The following ZNF709 variants were observed in gnomAD, a reference collection of about 807,000 sequenced individuals.
ZNF709 encodes the protein zinc finger protein 709.
In ZNF709, 15 loss-of-function variants were observed where a neutral mutation model predicts 10.6. The observed-to-expected ratio is 1.41, with a 90% CI of 0.95 to 2.18. The LOEUF is 2.18. Among genes scored for constraint, ZNF709 ranks in the 30% most tolerant of loss-of-function variants. The pLI is 0.00. For missense variants in ZNF709, 589 were observed against 774.0 expected (o/e 0.76, Z 2.84); for synonymous variants, 194 against 238.8 (o/e 0.81, Z 1.73).
At chr19:12,482,756 T>C (rs1970739474) in intron 1 of ZNF709, among the ~76,000 whole-genome samples, 1 of 152,158 alleles carries the variant, frequency 6.6e-6, no homozygotes, top group South Asian at 2.1e-4. Flanking sequence ...CTTCTCTCAG[T>C]ACAAAGGGCT....
At position 12,481,244 on chromosome 19, in the gene ZNF709, G is replaced by C. The variant is rs370110190; in HGVS notation, c.3+3411C>G. On this transcript the variant is annotated intron_variant, in intron 1 of 3. Coordinates refer to ENST00000397732, the MANE Select transcript of ZNF709 (RefSeq NM_152601.4). ...TGGTTCCAGAGTTTTCTTTTTTTTT[G>C]TTTTGAGATGGAGTCCTGCTCTGTT... 6.0e-5 allele frequency: 55 copies of C among 921,260 alleles called. No individual in the cohort carries two copies. The African/African-American group carries it at 9.2e-4, about 15-fold the overall frequency. The allele number at this position is 921,260 out of a possible 1,614,324, so 57.1% of individuals were successfully genotyped here.
intron 1 of ZNF709, among the ~76,000 whole-genome samples, chr19:12,471,977 G>C (rs1970637683): frequency 6.6e-6 from 1 of 151,522 alleles, no homozygotes; most frequent in Non-Finnish European, 1.5e-5. Context: ...TCACAAAGCA[G>C]GAAAAAAATA....
chr19:12,467,982 G>GT (rs1179689684), intron 1 of ZNF709, among the ~76,000 whole-genome samples: 1 of 151,630 alleles, frequency 6.6e-6, no homozygotes, highest in African/African-American at 2.4e-5. Context: ...GGGAGGTGGG[G>GT]GTCAGCCCCC....
At chr19:12,471,408 G>A in intron 1 of ZNF709, among the ~76,000 whole-genome samples, 1 of 152,094 alleles carries the variant, frequency 6.6e-6, no homozygotes, top group Non-Finnish European at 1.5e-5. Context: ...CCCTAAAATA[G>A]ACTTATAAAA....
intron 1 of ZNF709, among the ~76,000 whole-genome samples, chr19:12,482,940 A>ATT (rs1970741013): frequency 6.6e-6 from 1 of 152,050 alleles, no homozygotes; most frequent in African/African-American, 2.4e-5. Flanking sequence ...CACTACTGAT[A>ATT]TTTACATGAG....
At chr19:12,468,688 A>G (rs1372364044) in intron 1 of ZNF709, among the ~76,000 whole-genome samples, 1 of 148,806 alleles carries the variant, frequency 6.7e-6, no homozygotes, top group Admixed American at 6.7e-5. Context: ...AAGAATGATC[A>G]ATAAAAAAAA....
intron 1 of ZNF709, among the ~76,000 whole-genome samples, chr19:12,475,324 T>A: frequency 7.6e-6 from 1 of 132,064 alleles, no homozygotes; most frequent in Non-Finnish European, 1.6e-5. Context: ...TATGAGCAAA[T>A]TAAACCCAAA....
In ZNF709 at chr19:12,462,364, T is replaced by G. The variant is rs1384466042; in HGVS notation, c.*1632A>C. On this transcript the variant is annotated 3_prime_UTR_variant, in exon 4 of 4. Transcript: ENST00000397732. ...TACCGTGGAGCCATAAAAGGTTAGA[T>G]TATAGAAAACATAGGTCACAACATA... 6.6e-6 allele frequency: 1 copy of G among 152,186 alleles called. No homozygotes were observed. The highest frequency in any genetic ancestry group is 1.5e-5 in the Non-Finnish European group (1 of 68,034). 9.4% of individuals were successfully genotyped at this position (152,186 alleles called of 1,614,324 possible).
intron 1 of ZNF709, among the ~76,000 whole-genome samples, chr19:12,472,521 CAAAAAAAAAA>C (rs34678727): frequency 1.2e-5 from 1 of 84,694 alleles, no homozygotes; most frequent in African/African-American, 5.1e-5. Flanking sequence ...GACTCCATCT[CAAAAAAAAAA>C]AAAAAAAAGG....
intron 1 of ZNF709, among the ~76,000 whole-genome samples, chr19:12,477,588 G>A (rs1381526624): frequency 6.6e-6 from 1 of 152,132 alleles, no homozygotes; most frequent in Non-Finnish European, 1.5e-5. Context: ...AAATTTTAGT[G>A]GGTCTCCCAG....
chr19:12,463,664 A>G lies in ZNF709; in HGVS notation c.*332T>C. The G allele has an allele frequency of 5.2e-6, 1 of 191,154 alleles. No individual in the cohort carries two copies. The highest frequency in any genetic ancestry group is 1.1e-5 in the Non-Finnish European group (1 of 94,260). The allele number at this position is 191,154 out of a possible 1,614,324, so 11.8% of individuals were successfully genotyped here. ...AAATGGGGGCCGGGTGTGGTGGCTC[A>G]CACCTGTAATCCAACACTTTGGGAG... On this transcript the variant is annotated 3_prime_UTR_variant, in exon 4 of 4. Coordinates refer to ENST00000397732, the MANE Select transcript of ZNF709 (RefSeq NM_152601.4).
In ZNF709 at chr19:12,478,252, A is replaced by G. The variant is rs545762316; in HGVS notation, c.3+6403T>C. Among the ~76,000 whole-genome samples the G allele has an allele frequency of 2.6e-5, 4 of 152,094 alleles. No homozygotes were observed. The South Asian group carries it at 8.3e-4, about 32-fold the overall frequency. Reference sequence around the variant, plus strand: ...CCAGGTCAGCAGCAGTCACAGCTTCACTCTAAAACACACAGATAAGTCCAG... The same window carrying G: ...CCAGGTCAGCAGCAGTCACAGCTTCGCTCTAAAACACACAGATAAGTCCAG... On this transcript the variant is annotated intron_variant, in intron 1 of 3. Coordinates refer to ENST00000397732, the MANE Select transcript of ZNF709 (RefSeq NM_152601.4).
At position 12,484,714 on chromosome 19, in the gene ZNF709, G is replaced by C; in HGVS notation, c.-57C>G. On this transcript the variant is annotated 5_prime_UTR_variant, in exon 1 of 4. Coordinates refer to ENST00000397732, the MANE Select transcript of ZNF709 (RefSeq NM_152601.4). The stretch of plus-strand genomic sequence containing the variant: ...TTTACCTCTCCCGCGGCCAGCACAG[G>C]TCCTACCTCCACCTGAGGCCCTTCC... 6.2e-7 allele frequency: 1 copy of C among 1,613,382 alleles called. No individual in the cohort carries two copies. The highest frequency in any genetic ancestry group is 1.1e-5 in the South Asian group (1 of 91,034).
chr19:12,480,556 G>A (rs1010043471), intron 1 of ZNF709, among the ~76,000 whole-genome samples: 5 of 151,936 alleles, frequency 3.3e-5, no homozygotes, highest in African/African-American at 9.7e-5. Context: ...GGTGGCGAGC[G>A]CCTGTAGTCC....
intron 1 of ZNF709, among the ~76,000 whole-genome samples, chr19:12,467,185 A>C (rs1441540299): frequency 1.3e-5 from 2 of 152,180 alleles, no homozygotes; most frequent in African/African-American, 4.8e-5. Flanking sequence ...CCTCTGATGC[A>C]GAGCCGAAGC....
intron 3 of ZNF709, among the ~76,000 whole-genome samples, chr19:12,466,094 C>T (rs904705778): frequency 1.3e-5 from 2 of 152,116 alleles, no homozygotes; most frequent in African/African-American, 2.4e-5. Flanking sequence ...GTACCCACCA[C>T]CACACCTGGC....
intron 1 of ZNF709, among the ~76,000 whole-genome samples, chr19:12,472,293 G>A (rs1362491300): frequency 2.0e-5 from 3 of 152,040 alleles, no homozygotes; most frequent in Admixed American, 6.6e-5. Flanking sequence ...AGGCCAAGGC[G>A]GGTGGATCAC....
At position 12,461,581 on chromosome 19, in the gene ZNF709, T is replaced by G. The variant is rs1970516225; in HGVS notation, c.*2415A>C. On this transcript the variant is annotated 3_prime_UTR_variant, in exon 4 of 4. Transcript: ENST00000397732. ...GGTACTGTTAACAAAACATGGTGTT[T>G]ATTACATAAATAATACCTTGGATAA... 6.6e-6 allele frequency: 1 copy of G among 152,208 alleles called. No individual in the cohort carries two copies. The highest frequency in any genetic ancestry group is 2.4e-5 in the African/African-American group (1 of 41,440). The allele number at this position is 152,208 out of a possible 1,614,324, so 9.4% of individuals were successfully genotyped here.
chr19:12,464,984 C>T lies in ZNF709; in HGVS notation c.938G>A (p.Cys313Tyr), dbSNP rs1341548133. ...ACTAGGAAAACTGAAGGCTTTCCCACATTTTTTACATTTATAGGGTTTTTC... is the reference window on the plus strand; with the variant it reads ...ACTAGGAAAACTGAAGGCTTTCCCATATTTTTTACATTTATAGGGTTTTTC... The part of the protein sequence containing the change: ...TGEKPYKCKK[C>Y]GKAFSFPSSF... The change falls in exon 4 of 4, where the codon TGT becomes TAT. Residue 313 changes from cysteine (C) to tyrosine (Y), a missense_variant. By Grantham distance (194) the Cys-to-Tyr change is radical. Coordinates refer to ENST00000397732, the MANE Select transcript of ZNF709 (RefSeq NM_152601.4). 4.4e-6 allele frequency: 7 copies of T among 1,605,996 alleles called. No individual in the cohort carries two copies. The highest frequency in any genetic ancestry group is 5.9e-6 in the Non-Finnish European group (7 of 1,177,708).
Sources: gnomAD v4.1 joint callset for allele counts (sites outside exome capture counted in the v4.1 genomes callset) on GRCh38, gnomAD v4.1.1 for gene constraint, MANE v1.5 for transcripts, NCBI Gene and HGNC (gene_info 2026-07-23, HGNC 2026-07-21) for gene names.